KCNJ1: variants seen among roughly 807,000 people sequenced by gnomAD.
The protein encoded by KCNJ1 is potassium inwardly rectifying channel subfamily J member 1.
Under a neutral mutation model 21.9 loss-of-function variants are expected in KCNJ1, and 24 were observed. The ratio of observed to expected loss-of-function variants is 1.10; its 90% CI spans 0.79 to 1.54. The LOEUF (loss-of-function observed/expected upper bound fraction) is 1.54, where lower values mean the gene tolerates loss of function less well. Ranked by LOEUF, KCNJ1 falls within the 40% of genes most tolerant of loss-of-function variation. The probability of loss-of-function intolerance (pLI) is 0.00; values close to 1 mark genes in which losing one functional copy is unlikely to be tolerated. For synonymous variants in KCNJ1, 152 were observed against 160.9 expected (o/e 0.94, Z 0.42); for missense variants, 457 against 455.4 (o/e 1.00, Z -0.03).
Position 128,839,947 on chromosome 11 carries a change from G to A in KCNJ1, c.297C>T (p.His99=), listed in dbSNP as rs1270168940. 2.5e-6 allele frequency: 4 copies of A among 1,614,144 alleles called. No individual in the cohort carries two copies. In the South Asian group the frequency reaches 3.3e-5, roughly 13 times the overall value. ...CATTAATATTCTCCACACAGGGAGT[G>A]TGATTGGCAGAAGGATGGAATTCCG... ...DLPEFHPSAN[H]TPCVENINGL... Residue 99 remains histidine (H), a synonymous_variant, in exon 3 of 3, where the codon CAC becomes CAT. Transcript: ENST00000392666.
At chr11:128,850,066 G>A (rs982813825) in intron 2 of KCNJ1, among the ~76,000 whole-genome samples, 4 of 146,590 alleles carry the variant, frequency 2.7e-5, no homozygotes, top group Admixed American at 2.1e-4. Flanking sequence ...AGGACACATC[G>A]GAGGGCCCCC....
chr11:128,855,122 G>GT (rs1466313020), intron 1 of KCNJ1, among the ~76,000 whole-genome samples: 1 of 152,184 alleles, frequency 6.6e-6, no homozygotes, highest in Non-Finnish European at 1.5e-5. Context: ...GCTAAGAAAC[G>GT]TAAGGAGCAG....
intron 1 of KCNJ1, among the ~76,000 whole-genome samples, chr11:128,851,939 AG>A (rs1487216496): frequency 1.3e-5 from 2 of 152,128 alleles, no homozygotes; most frequent in African/African-American, 2.4e-5. Context: ...GGGTTTGGAG[AG>A]GGATTTGGAT....
At chr11:128,855,812 G>A (rs1943578125) in intron 1 of KCNJ1, among the ~76,000 whole-genome samples, 3 of 152,248 alleles carry the variant, frequency 2.0e-5, no homozygotes, top group Admixed American at 2.0e-4. Context: ...GAGGGGCTCT[G>A]ATGAAGAGAT....
In KCNJ1 at chr11:128,856,921, C is replaced by G. The variant is rs550068563; in HGVS notation, c.-191-6031G>C. Among the ~76,000 whole-genome samples the G allele has an allele frequency of 2.1e-3, 316 of 152,168 alleles. 2 individuals carry two copies. The highest frequency in any genetic ancestry group is 6.8e-3 in the Middle Eastern group (2 of 294). ...TTTCTCCTCATAATAGAGTCCACAC[C>G]GTCAGAGTGAGGAAGGAGTCCTGAA... On this transcript the variant is annotated intron_variant, in intron 1 of 2. Transcript: ENST00000392666.
intron 1 of KCNJ1, among the ~76,000 whole-genome samples, chr11:128,853,380 C>T (rs1311663410): frequency 6.6e-6 from 1 of 152,176 alleles, no homozygotes; most frequent in Non-Finnish European, 1.5e-5. Flanking sequence ...CATGGATGGA[C>T]CTGGAAAACA....
rs146477371 is a variant in KCNJ1, at chr11:128,856,690, G to A, written c.-191-5800C>T. On this transcript the variant is annotated intron_variant, in intron 1 of 2. Transcript: ENST00000392666. ...CCCTGTCAATGGCACACCCACCCCC[G>A]AGTCAAGCAAAACCTTGATTCACCC... 1.8e-4 allele frequency among the ~76,000 whole-genome samples: 27 copies of A among 152,108 alleles called. No individual in the cohort carries two copies. In the East Asian group the frequency reaches 3.7e-3, roughly 21 times the overall value.
At chr11:128,841,548 T>G (rs1943281662) in intron 2 of KCNJ1, among the ~76,000 whole-genome samples, 1 of 152,174 alleles carries the variant, frequency 6.6e-6, no homozygotes, top group Admixed American at 6.5e-5. Flanking sequence ...GTGCCCACCC[T>G]GGTCCGCAAT....
At chr11:128,858,306 C>T (rs1943628311) in intron 1 of KCNJ1, among the ~76,000 whole-genome samples, 1 of 151,990 alleles carries the variant, frequency 6.6e-6, no homozygotes, top group Non-Finnish European at 1.5e-5. Context: ...ACATCCACTC[C>T]TTAAGGAGGT....
chr11:128,850,952 C>T, intron 1 of KCNJ1, 62 bp from the exon 2 acceptor site: 9 of 858,910 alleles, frequency 1.0e-5, no homozygotes, highest in Non-Finnish European at 1.3e-5. Flanking sequence ...ACACAGAAGC[C>T]AGGGTGAAAC....
At chr11:128,860,187 G>A (rs1284323519) in intron 1 of KCNJ1, among the ~76,000 whole-genome samples, 1 of 152,250 alleles carries the variant, frequency 6.6e-6, no homozygotes, top group Non-Finnish European at 1.5e-5. Flanking sequence ...CAGGGCCATC[G>A]TTCAGATTAA....
At chr11:128,859,091 T>C (rs1418592553) in intron 1 of KCNJ1, among the ~76,000 whole-genome samples, 3 of 152,246 alleles carry the variant, frequency 2.0e-5, no homozygotes, top group Non-Finnish European at 4.4e-5. Context: ...CAGACACTTG[T>C]TGAATCTCTG....
intron 2 of KCNJ1, among the ~76,000 whole-genome samples, chr11:128,850,073 C>T (rs372219930): frequency 2.6e-5 from 4 of 151,944 alleles, no homozygotes; most frequent in African/African-American, 9.7e-5. Context: ...ATCGGAGGGC[C>T]CCCCCGCCTC....
At chr11:128,863,626 G>T (rs1380255125) in intron 1 of KCNJ1, among the ~76,000 whole-genome samples, 1 of 152,190 alleles carries the variant, frequency 6.6e-6, no homozygotes, top group Non-Finnish European at 1.5e-5. Flanking sequence ...AGCTGGATTT[G>T]ATGAGGCTTT....
chr11:128,859,076 A>T (rs1392811167), intron 1 of KCNJ1, among the ~76,000 whole-genome samples: 2 of 152,212 alleles, frequency 1.3e-5, no homozygotes, highest in Non-Finnish European at 2.9e-5. Context: ...ACAGGGGAAA[A>T]GGAACAGACA....
At chr11:128,851,691 G>T (rs1943479077) in intron 1 of KCNJ1, among the ~76,000 whole-genome samples, 1 of 147,096 alleles carries the variant, frequency 6.8e-6, no homozygotes, top group Non-Finnish European at 1.5e-5. Context: ...GATTCCATGT[G>T]GACGGGAGGC....
At chr11:128,840,960 G>A (rs991905632) in intron 2 of KCNJ1, among the ~76,000 whole-genome samples, 6 of 152,166 alleles carry the variant, frequency 3.9e-5, no homozygotes, top group African/African-American at 4.8e-5. Context: ...CTACCACTCC[G>A]TGTCTCAGTT....
At chr11:128,842,422 G>A (rs1943298622) in intron 2 of KCNJ1, 1 of 1,613,774 alleles carries the variant, frequency 6.2e-7, no homozygotes, top group East Asian at 2.2e-5. Flanking sequence ...ATTCATGGCT[G>A]GAAAAAGCAA....
At chr11:128,862,711 C>A (rs1943740658) in intron 1 of KCNJ1, among the ~76,000 whole-genome samples, 3 of 152,220 alleles carry the variant, frequency 2.0e-5, no homozygotes, top group Admixed American at 2.0e-4. Flanking sequence ...GCGGGGGCTT[C>A]CCAGAGGTCT....
Sources: gnomAD v4.1 joint callset for allele counts (sites outside exome capture counted in the v4.1 genomes callset) on GRCh38, gnomAD v4.1.1 for gene constraint, MANE v1.5 for transcripts, NCBI Gene and HGNC (gene_info 2026-07-23, HGNC 2026-07-21) for gene names.